The following CWF19L2 variants were observed in gnomAD, a reference collection of about 807,000 sequenced individuals.
CWF19L2 encodes the protein CWF19-like protein 2.
A neutral mutation model predicts 111.7 loss-of-function variants in CWF19L2; 98 were observed. That is an observed-to-expected ratio of 0.88 (90% CI 0.75 to 1.04). CWF19L2 has a LOEUF of 1.04. Ranked by LOEUF, CWF19L2 falls within the 50% of genes least tolerant of loss-of-function variation. CWF19L2 has a pLI of 0.00. For synonymous variants in CWF19L2, 351 were observed against 342.9 expected, an observed-to-expected ratio of 1.02 and a Z score of -0.26; for missense variants, 1,101 against 1,051.4, an observed-to-expected ratio of 1.05 and a Z score of -0.65.
chr11:107,453,206 C>T (rs1241325668), intron 3 of CWF19L2, among the ~76,000 whole-genome samples: 2 of 152,158 alleles, frequency 1.3e-5, no homozygotes, highest in African/African-American at 4.8e-5. Flanking sequence ...CGAGACATTA[C>T]ACAGTAGAAT....
intron 16 of CWF19L2, among the ~76,000 whole-genome samples, chr11:107,331,319 G>C (rs1371683567): frequency 6.6e-6 from 1 of 152,164 alleles, no homozygotes; most frequent in Non-Finnish European, 1.5e-5. Flanking sequence ...AATTCGCCAT[G>C]AATATACTGC....
intron 16 of CWF19L2, among the ~76,000 whole-genome samples, chr11:107,331,320 A>G (rs1859846954): frequency 6.6e-6 from 1 of 152,194 alleles, no homozygotes; most frequent in African/African-American, 2.4e-5. Flanking sequence ...ATTCGCCATG[A>G]ATATACTGCC....
intron 9 of CWF19L2, 48 bp from the exon 10 acceptor site, chr11:107,416,346 C>A: frequency 3.7e-6 from 3 of 810,096 alleles, no homozygotes; most frequent in South Asian, 4.3e-5. Flanking sequence ...TAGTTTAATT[C>A]TTTACGACAA....
At chr11:107,379,007 T>C (rs1860640818) in intron 12 of CWF19L2, among the ~76,000 whole-genome samples, 1 of 152,078 alleles carries the variant, frequency 6.6e-6, no homozygotes, top group Non-Finnish European at 1.5e-5. Context: ...CTAGGTTAGA[T>C]AGTAGTACTA....
At chr11:107,372,766 G>A (rs1372424502) in intron 12 of CWF19L2, among the ~76,000 whole-genome samples, 2 of 132,982 alleles carry the variant, frequency 1.5e-5, no homozygotes, top group Non-Finnish European at 3.2e-5. Context: ...GCGGGTTGAG[G>A]AGCCAAGATG....
chr11:107,413,255 C>T (rs543662300), intron 10 of CWF19L2, among the ~76,000 whole-genome samples: 1 of 152,158 alleles, frequency 6.6e-6, no homozygotes, highest in Admixed American at 6.5e-5. Context: ...TGTGTACCTT[C>T]CTCTCAATTT....
At chr11:107,453,989 T>C (rs1861817184) in intron 3 of CWF19L2, among the ~76,000 whole-genome samples, 2 of 152,120 alleles carry the variant, frequency 1.3e-5, no homozygotes, top group African/African-American at 4.8e-5. Context: ...CAGCCACAGT[T>C]CAATAGAACA....
intron 7 of CWF19L2, among the ~76,000 whole-genome samples, chr11:107,431,104 A>G (rs192681752): frequency 2.0e-5 from 3 of 152,176 alleles, no homozygotes; most frequent in Non-Finnish European, 2.9e-5. Context: ...TGCAAAAGTC[A>G]TTATTTTGTC....
intron 12 of CWF19L2, among the ~76,000 whole-genome samples, chr11:107,357,133 G>C (rs1036540463): frequency 6.6e-6 from 1 of 151,948 alleles, no homozygotes; most frequent in African/African-American, 2.4e-5. Context: ...GCTATTAAAG[G>C]ACAGAACCAG....
intron 15 of CWF19L2, 136 bp from the exon 16 acceptor site, chr11:107,335,097 C>A (rs1859903418): frequency 1.9e-6 from 1 of 519,210 alleles, no homozygotes. Context: ...CTGATTAAGG[C>A]TTTTAGTTAT....
chr11:107,441,710 A>G, intron 4 of CWF19L2, 88 bp from the exon 5 acceptor site: 2 of 1,325,804 alleles, frequency 1.5e-6, no homozygotes, highest in East Asian at 5.7e-5. Flanking sequence ...CTTGGTAATA[A>G]GAGCAGGGAC....
At chr11:107,452,242 G>C (rs1173918524) in intron 3 of CWF19L2, among the ~76,000 whole-genome samples, 2 of 152,080 alleles carry the variant, frequency 1.3e-5, no homozygotes, top group African/African-American at 4.8e-5. Flanking sequence ...GGTGATAAGA[G>C]GCAAGGTGAA....
At chr11:107,415,242 TTCAC>T (rs1341115969) in intron 10 of CWF19L2, among the ~76,000 whole-genome samples, 1 of 152,158 alleles carries the variant, frequency 6.6e-6, no homozygotes, top group Non-Finnish European at 1.5e-5. Context: ...TACTGCGCTC[TTCAC>T]TCAAATACAC....
intron 3 of CWF19L2, among the ~76,000 whole-genome samples, chr11:107,445,255 T>C (rs1448891312): frequency 1.3e-5 from 2 of 152,224 alleles, no homozygotes; most frequent in Non-Finnish European, 2.9e-5. Flanking sequence ...AATTTATATT[T>C]AGTTTCTGTT....
chr11:107,427,404 T>A (rs2135407230), intron 8 of CWF19L2, among the ~76,000 whole-genome samples: 1 of 152,202 alleles, frequency 6.6e-6, no homozygotes, highest in East Asian at 1.9e-4. Context: ...TTTTAGTGAG[T>A]GCTGTCTTCA....
chr11:107,362,039 TTC>T (rs967776939), intron 12 of CWF19L2, among the ~76,000 whole-genome samples: 1 of 152,116 alleles, frequency 6.6e-6, no homozygotes, highest in African/African-American at 2.4e-5. Context: ...GGAGTTCCCT[TTC>T]TGAGTCAAAG....
chr11:107,331,203 G>A (rs1258132656), intron 16 of CWF19L2, among the ~76,000 whole-genome samples: 1 of 152,104 alleles, frequency 6.6e-6, no homozygotes, highest in Non-Finnish European at 1.5e-5. Flanking sequence ...AAAGGAGATA[G>A]ACAAGGCTCC....
intron 6 of CWF19L2, among the ~76,000 whole-genome samples, chr11:107,437,709 AAG>A (rs1264410112): frequency 7.9e-5 from 12 of 152,186 alleles, no homozygotes; most frequent in Non-Finnish European, 1.8e-4. Flanking sequence ...AGTCTGCTAA[AAG>A]ATACCACCTA....
chr11:107,452,451 G>A (rs1016823114), intron 3 of CWF19L2, among the ~76,000 whole-genome samples: 5 of 152,054 alleles, frequency 3.3e-5, no homozygotes, highest in African/African-American at 1.2e-4. Flanking sequence ...AGAACATTGT[G>A]AGAAAAATCA....
Sources: allele counts gnomAD v4.1 joint callset (sites outside exome capture counted in the v4.1 genomes callset), GRCh38; gene constraint gnomAD v4.1.1; transcripts MANE v1.5; gene names NCBI Gene and HGNC (gene_info 2026-07-23, HGNC 2026-07-21).